The following KDM2A variants were observed in gnomAD, a reference collection of about 807,000 sequenced individuals.
KDM2A encodes the protein lysine-specific demethylase 2A.
KDM2A carries 3 observed loss-of-function variants against 137.3 expected under a neutral mutation model. That is an observed-to-expected ratio of 0.02 (90% confidence interval 0.01 to 0.06). The LOEUF is 0.06. Ranked by LOEUF, KDM2A falls within the 10% of genes least tolerant of loss-of-function variation. KDM2A has a pLI of 1.00. For synonymous variants in KDM2A, 512 were observed against 541.5 expected, an observed-to-expected ratio of 0.95 and a Z score of 0.76; for missense variants, 738 against 1,510.6, an observed-to-expected ratio of 0.49 and a Z score of 8.48.
chr11:67,207,225 T>C (rs918098700), intron 5 of KDM2A, among the ~76,000 whole-genome samples: 1 of 152,172 alleles, frequency 6.6e-6, no homozygotes, highest in African/African-American at 2.4e-5. Flanking sequence ...TGGAGATTAG[T>C]ATTTAGCATT....
intron 12 of KDM2A, chr11:67,240,360 G>A: frequency 1.3e-6 from 2 of 1,535,144 alleles, no homozygotes; most frequent in Non-Finnish European, 8.7e-7. Context: ...AGAGCGACGG[G>A]AAACGAAAGG....
intron 5 of KDM2A, among the ~76,000 whole-genome samples, chr11:67,202,766 A>T (rs1350084183): frequency 6.6e-6 from 1 of 151,758 alleles, no homozygotes; most frequent in African/African-American, 2.4e-5. Context: ...ACAGAGCGAG[A>T]CTTCGTCTCA....
chr11:67,203,929 T>C (rs1192440735), intron 5 of KDM2A, among the ~76,000 whole-genome samples: 1 of 151,972 alleles, frequency 6.6e-6, no homozygotes, highest in Non-Finnish European at 1.5e-5. Context: ...GCCTCCTAAG[T>C]AGCTGGGACT....
At chr11:67,182,069 T>C (rs1013785080) in intron 5 of KDM2A, among the ~76,000 whole-genome samples, 177 bp downstream of exon 5, 1 of 152,244 alleles carries the variant, frequency 6.6e-6, no homozygotes, top group Non-Finnish European at 1.5e-5. Context: ...GTTGCCTTAT[T>C]TAATACACAT....
intron 2 of KDM2A, among the ~76,000 whole-genome samples, chr11:67,125,355 A>G (rs1033479325): frequency 2.7e-5 from 4 of 150,764 alleles, no homozygotes; most frequent in Non-Finnish European, 5.9e-5. Flanking sequence ...TAATTTTTGT[A>G]TTTTTTGTAG....
intron 16 of KDM2A, among the ~76,000 whole-genome samples, chr11:67,249,277 G>T (rs1190610323): frequency 8.5e-5 from 13 of 152,140 alleles, no homozygotes. Context: ...TGTGTTGTTG[G>T]CAGATGGCTG....
At chr11:67,144,362 C>T (rs1373291593) in intron 2 of KDM2A, among the ~76,000 whole-genome samples, 1 of 151,500 alleles carries the variant, frequency 6.6e-6, no homozygotes, top group Non-Finnish European at 1.5e-5. Context: ...AACTGATTCT[C>T]CTGCCTCAGC....
chr11:67,152,940 G>C (rs1434979175), intron 2 of KDM2A, among the ~76,000 whole-genome samples: 1 of 135,926 alleles, frequency 7.4e-6, no homozygotes, highest in African/African-American at 3.3e-5. Context: ...GTGTGTGTGT[G>C]TGTGTGTGTG....
chr11:67,165,764 A>G (rs956958034), intron 2 of KDM2A, among the ~76,000 whole-genome samples: 1 of 152,140 alleles, frequency 6.6e-6, no homozygotes, highest in African/African-American at 2.4e-5. Flanking sequence ...AACCAAGCAA[A>G]GATCTAGAGT....
chr11:67,134,104 T>G (rs1340477038), intron 2 of KDM2A, among the ~76,000 whole-genome samples: 1 of 152,184 alleles, frequency 6.6e-6, no homozygotes, highest in East Asian at 1.9e-4. Context: ...GACTTTGGGA[T>G]TTAGCTTGGA....
Position 67,245,419 on chromosome 11 carries a change from A to T in KDM2A, c.1794A>T (p.Gly598=). The change falls in exon 14 of 21, where the codon GGA becomes GGT. Residue 598 remains glycine, a synonymous_variant. Transcript: ENST00000529006. The surrounding 1 kb of genome is among the most constrained non-coding windows in gnomAD (Gnocchi z 4.1). ...CRDMKKFGGP[G]RMKQSCVLRQ... ...ACATGAAGAAGTTTGGGGGGCCTGG[A>T]CGCATGAAGCAGTCCTGTGTCCTCC... 5 of 1,613,912 alleles carry T rather than the reference A, an allele frequency of 3.1e-6. No individual in the cohort carries two copies. Among genetic ancestry groups the T allele is most frequent in the Non-Finnish European group, 4.2e-6 (5 of 1,179,890 alleles).
rs1480260749 is a variant in KDM2A at position 67,155,788 on chromosome 11, G to A, written c.43-24291G>A. Among the ~76,000 whole-genome samples the A allele has an allele frequency of 2.0e-5, 3 of 150,320 alleles. No individual in the cohort carries two copies. In the South Asian group the frequency reaches 6.4e-4, roughly 32 times the overall value. ...TGTGCCACCATACCCAGCTAATTTT[G>A]TATTTTTAGTATAGACGGGGTTTCT... On this transcript the variant is annotated intron_variant, in intron 2 of 20. Coordinates refer to ENST00000529006, the MANE Select transcript of KDM2A (RefSeq NM_012308.3).
intron 2 of KDM2A, among the ~76,000 whole-genome samples, chr11:67,158,506 A>G (rs1856569386): frequency 1.3e-5 from 2 of 152,180 alleles, no homozygotes; most frequent in South Asian, 2.1e-4. Context: ...TAGCTGTACT[A>G]TTTTGTATTC....
intron 2 of KDM2A, among the ~76,000 whole-genome samples, chr11:67,127,895 G>A (rs931487675): frequency 4.6e-5 from 7 of 151,852 alleles, no homozygotes; most frequent in Admixed American, 2.0e-4. Context: ...TGGTAGAGAC[G>A]GGGTTTCACC....
At chr11:67,172,892 T>C (rs1355470682) in intron 2 of KDM2A, among the ~76,000 whole-genome samples, 1 of 152,134 alleles carries the variant, frequency 6.6e-6, no homozygotes, top group Non-Finnish European at 1.5e-5. Flanking sequence ...TATGTTTTTC[T>C]CTTTTTTTTA....
rs1304438440 is a variant in KDM2A at position 67,255,402 on chromosome 11, C to T, written c.*347C>T. On this transcript the variant is annotated 3_prime_UTR_variant, in exon 21 of 21. Coordinates refer to ENST00000529006, the MANE Select transcript of KDM2A (RefSeq NM_012308.3). Reference sequence around the variant, plus strand: ...ATCTGCACTGGGCCCTGTGCCCCTCCTCCCCATCCATGGTCCCCAGCAGTG... The same window carrying T: ...ATCTGCACTGGGCCCTGTGCCCCTCTTCCCCATCCATGGTCCCCAGCAGTG... 4.2e-6 allele frequency: 2 copies of T among 472,772 alleles called. No homozygotes were observed. Among genetic ancestry groups the T allele is most frequent in the Admixed American group, 2.4e-5 (1 of 42,462 alleles). 29.3% of individuals were successfully genotyped at this position (472,772 alleles called of 1,614,324 possible).
chr11:67,193,320 A>G (rs1479498425), intron 5 of KDM2A, among the ~76,000 whole-genome samples: 1 of 152,208 alleles, frequency 6.6e-6, no homozygotes. Context: ...TCTGATGGGT[A>G]TGAAAGAGAA....
At chr11:67,141,823 C>T (rs895246281) in intron 2 of KDM2A, among the ~76,000 whole-genome samples, 3 of 151,600 alleles carry the variant, frequency 2.0e-5, no homozygotes, top group African/African-American at 4.8e-5. Flanking sequence ...CCCTTTGCCC[C>T]TCATACACAC....
chr11:67,133,709 T>C (rs1285774641), intron 2 of KDM2A, among the ~76,000 whole-genome samples: 9 of 147,740 alleles, frequency 6.1e-5, no homozygotes, highest in Non-Finnish European at 1.2e-4. Context: ...GGCTTCCAAC[T>C]GTGGTTTTTT....
Sources: allele counts gnomAD v4.1 joint callset (sites outside exome capture counted in the v4.1 genomes callset), GRCh38; gene constraint gnomAD v4.1.1; non-coding constraint Gnocchi (gnomAD v3.1); transcripts MANE v1.5; gene names NCBI Gene and HGNC (gene_info 2026-07-23, HGNC 2026-07-21).